The following TMEM117 variants were observed in gnomAD, a reference collection of about 807,000 sequenced individuals.
TMEM117 encodes transmembrane protein 117.
Under a neutral mutation model 52.4 loss-of-function variants are expected in TMEM117, and 27 were observed. The observed-to-expected ratio is 0.51, with a 90% CI of 0.38 to 0.71. The LOEUF is 0.71. Among genes scored for constraint, TMEM117 ranks in the 30% least tolerant of loss-of-function variants. The probability of loss-of-function intolerance (pLI) is 0.00; values close to 1 mark genes in which losing one functional copy is unlikely to be tolerated. For synonymous variants in TMEM117, 215 were observed against 206.3 expected (o/e 1.04, Z -0.36); for missense variants, 556 against 630.5 (o/e 0.88, Z 1.26).
intron 2 of TMEM117, among the ~76,000 whole-genome samples, chr12:43,883,521 C>T (rs1332366408): frequency 6.6e-6 from 1 of 152,152 alleles, no homozygotes. Context: ...ATCCAGCTAT[C>T]AGCTAAATAA....
At chr12:44,240,195 T>C (rs1319638768) in intron 5 of TMEM117, among the ~76,000 whole-genome samples, 1 of 152,152 alleles carries the variant, frequency 6.6e-6, no homozygotes, top group Non-Finnish European at 1.5e-5. Context: ...CCAACCTCCT[T>C]ATATTTTGCT....
intron 7 of TMEM117, among the ~76,000 whole-genome samples, chr12:44,384,290 A>G (rs940366338): frequency 6.6e-6 from 1 of 152,100 alleles, no homozygotes; most frequent in African/African-American, 2.4e-5. Context: ...CATTTTTTCT[A>G]CCATTTTAGC....
intron 3 of TMEM117, among the ~76,000 whole-genome samples, chr12:43,946,323 G>T (rs966119786): frequency 2.0e-5 from 3 of 148,806 alleles, no homozygotes; most frequent in Admixed American, 2.0e-4. Context: ...AATAATACAT[G>T]ATATAATATA....
intron 6 of TMEM117, among the ~76,000 whole-genome samples, chr12:44,369,977 T>G (rs770897246): frequency 6.6e-6 from 1 of 152,166 alleles, no homozygotes; most frequent in African/African-American, 2.4e-5. Flanking sequence ...CTGCAATGTC[T>G]CTATTGTTCA....
At chr12:43,828,997 G>C in the TMEM117 span, among the ~76,000 whole-genome samples, 1 of 152,096 alleles carries the variant, frequency 6.6e-6, no homozygotes, top group Non-Finnish European at 1.5e-5. Flanking sequence ...TTGTTGCCCA[G>C]GTTGGTCTCG....
At chr12:44,212,153 C>A (rs1300352693) in intron 5 of TMEM117, among the ~76,000 whole-genome samples, 1 of 152,176 alleles carries the variant, frequency 6.6e-6, no homozygotes, top group Non-Finnish European at 1.5e-5. Context: ...CGACTGCAGT[C>A]TGAAAATATT....
intron 3 of TMEM117, among the ~76,000 whole-genome samples, chr12:44,125,334 C>T (rs978249721): frequency 9.9e-5 from 15 of 152,118 alleles, no homozygotes; most frequent in African/African-American, 3.4e-4. Flanking sequence ...GTCTCGATCT[C>T]CTGACCTTGT....
At chr12:43,956,600 A>G (rs1353074275) in intron 3 of TMEM117, among the ~76,000 whole-genome samples, 2 of 152,102 alleles carry the variant, frequency 1.3e-5, no homozygotes, top group African/African-American at 2.4e-5. Context: ...CAAAACCACA[A>G]TGAGATACCA....
chr12:43,962,888 A>G (rs1168592317), intron 3 of TMEM117, among the ~76,000 whole-genome samples: 2 of 151,890 alleles, frequency 1.3e-5, no homozygotes, highest in Non-Finnish European at 2.9e-5. Flanking sequence ...AGATTGCACC[A>G]CTGCACTCCA....
chr12:43,907,786 A>C (rs1944419649), intron 2 of TMEM117, among the ~76,000 whole-genome samples: 1 of 145,720 alleles, frequency 6.9e-6, no homozygotes, highest in Non-Finnish European at 1.5e-5. Context: ...CAAGAAGGGA[A>C]GTTTAGAGAA....
At chr12:44,379,499 G>A (rs749099244) in intron 7 of TMEM117, among the ~76,000 whole-genome samples, 1 of 152,180 alleles carries the variant, frequency 6.6e-6, no homozygotes, top group African/African-American at 2.4e-5. Flanking sequence ...AATGGCACAG[G>A]TTTGGAGGTT....
chr12:44,303,496 T>C (rs1036209696), intron 6 of TMEM117, among the ~76,000 whole-genome samples: 2 of 152,188 alleles, frequency 1.3e-5, no homozygotes, highest in Non-Finnish European at 2.9e-5. Flanking sequence ...ATTTACTAAA[T>C]AGGATTTTTC....
chr12:43,888,030 G>C (rs1392176490), intron 2 of TMEM117, among the ~76,000 whole-genome samples: 2 of 152,164 alleles, frequency 1.3e-5, no homozygotes, highest in Non-Finnish European at 2.9e-5. Flanking sequence ...CAAATCTGTA[G>C]AAGAGAAGTA....
chr12:44,077,046 G>A (rs1947393810), intron 3 of TMEM117, among the ~76,000 whole-genome samples: 1 of 152,172 alleles, frequency 6.6e-6, no homozygotes, highest in African/African-American at 2.4e-5. Flanking sequence ...ACTACAGAAT[G>A]TGGTACAGTC....
At chr12:43,971,308 A>G (rs1187340400) in intron 3 of TMEM117, among the ~76,000 whole-genome samples, 1 of 152,178 alleles carries the variant, frequency 6.6e-6, no homozygotes, top group Admixed American at 6.5e-5. Flanking sequence ...CCTGGCTTCT[A>G]ACTGTTCACT....
At chr12:44,258,869 T>TCCTG (rs1592646428) in intron 5 of TMEM117, among the ~76,000 whole-genome samples, 1 of 152,160 alleles carries the variant, frequency 6.6e-6, no homozygotes, top group East Asian at 1.9e-4. Flanking sequence ...AGCCATTAGC[T>TCCTG]ACATATAGCT....
intron 3 of TMEM117, among the ~76,000 whole-genome samples, chr12:44,134,093 G>A (rs1212877720): frequency 6.6e-6 from 1 of 152,160 alleles, no homozygotes; most frequent in African/African-American, 2.4e-5. Context: ...GTTAAGTGAT[G>A]TCAAATCTAG....
intron 4 of TMEM117, among the ~76,000 whole-genome samples, chr12:44,192,252 G>A (rs1949364939): frequency 2.0e-5 from 3 of 152,158 alleles, no homozygotes; most frequent in South Asian, 2.1e-4. Flanking sequence ...CCCAGAACCC[G>A]AGGTCCTCTG....
intron 5 of TMEM117, among the ~76,000 whole-genome samples, chr12:44,215,556 A>G (rs1949704436): frequency 6.6e-6 from 1 of 152,210 alleles, no homozygotes; most frequent in African/African-American, 2.4e-5. Context: ...GTTACCAACA[A>G]CCATTTTCAC....
Sources: gnomAD v4.1 joint callset for allele counts (sites outside exome capture counted in the v4.1 genomes callset) on GRCh38, gnomAD v4.1.1 for gene constraint, MANE v1.5 for transcripts, NCBI Gene and HGNC (gene_info 2026-07-23, HGNC 2026-07-21) for gene names.